The following B4GALT3 variants were observed in gnomAD, a reference collection of about 807,000 sequenced individuals.
B4GALT3 encodes the protein beta-1,4-galactosyltransferase 3.
A neutral mutation model predicts 40.7 loss-of-function variants in B4GALT3; 29 were observed. That is an observed-to-expected ratio of 0.71 (90% CI 0.53 to 0.97). The LOEUF (loss-of-function observed/expected upper bound fraction) is 0.97. Among genes scored for constraint, B4GALT3 ranks in the 50% least tolerant of loss-of-function variants. B4GALT3 has a pLI of 0.00. For missense variants in B4GALT3, 390 were observed against 522.3 expected (o/e 0.75, Z 2.47); for synonymous variants, 182 against 203.9 (o/e 0.89, Z 0.92).
chr1:161,175,731 C>T, intron 3 of B4GALT3, 77 bp downstream of exon 3: 2 of 1,568,000 alleles, frequency 1.3e-6, no homozygotes, highest in South Asian at 2.4e-5. Flanking sequence ...TCTGCCACTC[C>T]ATGCCTCCCT....
At chr1:161,176,144 G>A (rs1033483937) in intron 2 of B4GALT3, 70 bp from the exon 3 acceptor site, 3 of 1,530,674 alleles carry the variant, frequency 2.0e-6, no homozygotes, top group East Asian at 2.3e-5. Flanking sequence ...TCAGTAGGTA[G>A]GGTTGAAGGT....
chr1:161,176,346 T>C, intron 2 of B4GALT3, 88 bp downstream of exon 2: 2 of 528,548 alleles, frequency 3.8e-6, no homozygotes, highest in Non-Finnish European at 6.8e-6. Context: ...CCCCCAAAAA[T>C]GTTTACATCA....
In B4GALT3 at chr1:161,171,724, C is replaced by T. The variant is rs1661496823; in HGVS notation, c.*92G>A. ...GCACGGCACCAGAGTTCAGTTCCCT[C>T]ACATCCCTCTGAGAACAGTGAGGAG... On this transcript the variant is annotated 3_prime_UTR_variant, in exon 8 of 8. Transcript: ENST00000319769. 6.6e-7 allele frequency: 1 copy of T among 1,520,050 alleles called. No homozygotes were observed. Among genetic ancestry groups the T allele is most frequent in the Non-Finnish European group, 8.9e-7 (1 of 1,119,770 alleles). 94.2% of individuals were successfully genotyped at this position (1,520,050 alleles called of 1,614,324 possible).
chr1:161,177,187 G>A (rs991523187), intron 1 of B4GALT3: 4 of 1,006,572 alleles, frequency 4.0e-6, no homozygotes, highest in Non-Finnish European at 5.8e-6. Context: ...GGCGTGGTCC[G>A]CGCTGTGGAG....
chr1:161,175,681 C>G, intron 3 of B4GALT3, 127 bp downstream of exon 3: 1 of 1,395,302 alleles, frequency 7.2e-7, no homozygotes, highest in Non-Finnish European at 9.8e-7. Context: ...CCTCAGCCTA[C>G]CTGCAGCCTC....
In B4GALT3 at chr1:161,176,069, T is replaced by G; in HGVS notation, c.-9A>C. ...AGCAGCCTCCGCAACATCCTGGGGGTGAGATCTAGGGAGGGAGAGGGGAAT... is the reference window on the plus strand; with the variant it reads ...AGCAGCCTCCGCAACATCCTGGGGGGGAGATCTAGGGAGGGAGAGGGGAAT... On this transcript the variant is annotated 5_prime_UTR_variant, in exon 3 of 8. Coordinates refer to ENST00000319769, the MANE Select transcript of B4GALT3 (RefSeq NM_003779.4). 2 of 1,612,612 alleles carry G rather than the reference T, an allele frequency of 1.2e-6. No individual in the cohort carries two copies. Among genetic ancestry groups the G allele is most frequent in the African/African-American group, 2.7e-5 (2 of 74,494 alleles).
upstream of B4GALT3, chr1:161,177,793 G>T (rs1298075528): frequency 6.6e-6 from 1 of 152,332 alleles, no homozygotes; most frequent in Non-Finnish European, 1.5e-5. Context: ...CTAGTGAGCC[G>T]GTTTCTGGTG....
Position 161,171,922 on chromosome 1 carries a change from G to A in B4GALT3, c.1076C>T (p.Pro359Leu), listed in dbSNP as rs146478151. The A allele has an allele frequency of 5.6e-6, 9 of 1,614,178 alleles. No individual in the cohort carries two copies. Among genetic ancestry groups the A allele is most frequent in the African/African-American group, 5.3e-5 (4 of 75,030 alleles). ...PRAPSGPRYP[P>L]GSSQAFRQEM... ...TTGACGGAAGGCTTGGGAGGAACCA[G>A]GTGGGTAACGTGGCCCAGAAGGAGC... The change falls in exon 8 of 8, where the codon CCT becomes CTT. Residue 359 changes from proline (P) to leucine (L), a missense_variant. This residue lies in a region of B4GALT3 where 72 missense variants were observed against 71.3 expected (regional missense o/e 1.01). Transcript: ENST00000319769.
Position 161,171,909 on chromosome 1 carries a change from T to G in B4GALT3, c.1089A>C (p.Gln363His). 6.2e-7 allele frequency: 1 copy of G among 1,614,146 alleles called. No individual in the cohort carries two copies. The highest frequency in any genetic ancestry group is 8.5e-7 in the Non-Finnish European group (1 of 1,180,004). Residue 363 changes from glutamine (Q) to histidine (H), a missense_variant, in exon 8 of 8, where the codon CAA (glutamine) becomes CAC (histidine). By Grantham distance (24) the Gln-to-His change is conservative. Coordinates refer to ENST00000319769, the MANE Select transcript of B4GALT3 (RefSeq NM_003779.4). ...SGPRYPPGSS[Q>H]AFRQEMLQRR... ...GTTGCAGCATCTCTTGACGGAAGGC[T>G]TGGGAGGAACCAGGTGGGTAACGTG...
In B4GALT3 at chr1:161,171,355, C is replaced by T; in HGVS notation, c.*461G>A. ...TAGAAAATATATCAAAATCCCAGCCCCCTGAGCCAGGACCAGAAGAGGGAG... is the reference window on the plus strand; with the variant it reads ...TAGAAAATATATCAAAATCCCAGCCTCCTGAGCCAGGACCAGAAGAGGGAG... On this transcript the variant is annotated 3_prime_UTR_variant, in exon 8 of 8. Transcript: ENST00000319769. The T allele has an allele frequency of 9.0e-7, 1 of 1,114,274 alleles. No individual in the cohort carries two copies. The highest frequency in any genetic ancestry group is 2.1e-5 in the Admixed American group (1 of 47,604). 69.0% of individuals were successfully genotyped at this position (1,114,274 alleles called of 1,614,324 possible). A position where few individuals can be genotyped will look rare whatever the true frequency, so the allele number is the denominator to read the frequency against.
In B4GALT3 at chr1:161,171,312, C is replaced by A; in HGVS notation, c.*504G>T. On this transcript the variant is annotated 3_prime_UTR_variant, in exon 8 of 8. Coordinates refer to ENST00000319769, the MANE Select transcript of B4GALT3 (RefSeq NM_003779.4). ...GGGATGCAGAAAGCAGGAGCAGATGCGAGACAAAGTCCTTTATTAGAAAAT... is the reference window on the plus strand; with the variant it reads ...GGGATGCAGAAAGCAGGAGCAGATGAGAGACAAAGTCCTTTATTAGAAAAT... 1 of 1,401,676 alleles carries A rather than the reference C, an allele frequency of 7.1e-7. No individual in the cohort carries two copies. 86.8% of individuals were successfully genotyped at this position (1,401,676 alleles called of 1,614,324 possible). A position where few individuals can be genotyped will look rare whatever the true frequency, so the allele number is the denominator to read the frequency against.
At chr1:161,176,681 G>A in intron 1 of B4GALT3, 102 bp from the exon 2 acceptor site, 1 of 610,492 alleles carries the variant, frequency 1.6e-6, no homozygotes, top group Non-Finnish European at 2.9e-6. Flanking sequence ...GAAAGTGGTT[G>A]GAAAGGAAGA....
Position 161,176,046 on chromosome 1 carries a change from C to T in B4GALT3, c.15G>A (p.Leu5=), listed in dbSNP as rs756424267. 1 of 1,614,114 alleles carries T rather than the reference C, an allele frequency of 6.2e-7. No homozygotes were observed. The highest frequency in any genetic ancestry group is 1.1e-5 in the South Asian group (1 of 91,090). The part of the protein sequence containing the change: MLRR[L]LERPCTLALL... ...GGGCCAGCGTGCAAGGCCGCTCCAG[C>T]AGCCTCCGCAACATCCTGGGGGTGA... The change falls in exon 3 of 8, where the codon CTG becomes CTA. Residue 5 remains leucine, a synonymous_variant. Coordinates refer to ENST00000319769, the MANE Select transcript of B4GALT3 (RefSeq NM_003779.4).
chr1:161,172,261 G>A lies in B4GALT3; in HGVS notation c.874C>T (p.Arg292Ter), dbSNP rs958645421. The A allele has an allele frequency of 1.9e-6, 3 of 1,614,022 alleles. No individual in the cohort carries two copies. The highest frequency in any genetic ancestry group is 1.7e-6 in the Non-Finnish European group (2 of 1,180,014). Residue 292 changes from arginine to a stop codon, truncating the protein, a stop_gained, in exon 7 of 8, where the codon CGA becomes TGA. Coordinates refer to ENST00000319769, the MANE Select transcript of B4GALT3 (RefSeq NM_003779.4). LOFTEE classifies it high-confidence loss of function. ...SVGHYKMVKH[R>*]GDKGNEENPH... ...TTTTCCTCATTGCCCTTATCTCCTC[G>A]GTGCTTCACCATCTTATAGTGTCCT... is the stretch of plus-strand genomic sequence containing the variant.
chr1:161,174,402 CAAAA>C (rs554703903), intron 4 of B4GALT3, among the ~76,000 whole-genome samples: 2 of 55,786 alleles, frequency 3.6e-5, no homozygotes, highest in Admixed American at 3.9e-4. Context: ...AGTGAGATCT[CAAAA>C]AAAAAAAAAA....
intron 6 of B4GALT3, 111 bp downstream of exon 6, chr1:161,173,494 T>G (rs1662261609): frequency 6.7e-7 from 1 of 1,499,858 alleles, no homozygotes; most frequent in East Asian, 2.3e-5. Flanking sequence ...ATGGGCTCAG[T>G]GCAGGACCAG....
chr1:161,171,761 G>A lies in B4GALT3; in HGVS notation c.*55C>T, dbSNP rs887281727. 4 of 1,592,924 alleles carry A rather than the reference G, an allele frequency of 2.5e-6. No individual in the cohort carries two copies. The highest frequency in any genetic ancestry group is 1.1e-5 in the South Asian group (1 of 89,340). On this transcript the variant is annotated 3_prime_UTR_variant, in exon 8 of 8. Transcript: ENST00000319769. The stretch of plus-strand genomic sequence containing the variant: ...AGAACAGTGAGGAGCTGAGGGTGGG[G>A]AGAATACAACCCCATGAATTCGGTT...
intron 6 of B4GALT3, chr1:161,172,538 G>A: frequency 1.8e-6 from 1 of 565,646 alleles, no homozygotes; most frequent in Admixed American, 3.5e-5. Flanking sequence ...CCCAGTGCCA[G>A]TCACCCTAGG....
intron 1 of B4GALT3, 186 bp from the exon 2 acceptor site, chr1:161,176,765 T>G (rs1663689156): frequency 8.4e-7 from 1 of 1,193,980 alleles, no homozygotes; most frequent in East Asian, 2.6e-5. Flanking sequence ...AGGTTCATAC[T>G]TAACCACCCC....
Sources: allele counts gnomAD v4.1 joint callset (sites outside exome capture counted in the v4.1 genomes callset), GRCh38; gene constraint gnomAD v4.1.1; regional missense constraint gnomAD v4.1.1; transcripts MANE v1.5; gene names NCBI Gene and HGNC (gene_info 2026-07-23, HGNC 2026-07-21).